The following WIPI1 variants were observed in gnomAD, a reference collection of about 807,000 sequenced individuals.
WIPI1 encodes WD repeat domain phosphoinositide-interacting protein 1.
A neutral mutation model predicts 55.3 loss-of-function variants in WIPI1; 45 were observed. The ratio of observed to expected loss-of-function variants is 0.81; its 90% CI spans 0.64 to 1.04. The LOEUF (loss-of-function observed/expected upper bound fraction) is 1.04, where lower values mean the gene tolerates loss of function less well. Among genes scored for constraint, WIPI1 ranks in the 50% least tolerant of loss-of-function variants. The probability of loss-of-function intolerance (pLI) is 0.00; values close to 1 mark genes in which losing one functional copy is unlikely to be tolerated. For synonymous variants in WIPI1, 195 were observed against 217.6 expected, an observed-to-expected ratio of 0.90 and a Z score of 0.92; for missense variants, 445 against 559.0, an observed-to-expected ratio of 0.80 and a Z score of 2.06.
chr17:68,443,967 T>C (rs1284346600), intron 4 of WIPI1, among the ~76,000 whole-genome samples: 1 of 152,214 alleles, frequency 6.6e-6, no homozygotes, highest in Non-Finnish European at 1.5e-5. Flanking sequence ...CAGGAATGTA[T>C]TAAATAGTGT....
chr17:68,429,276 A>G (rs2083402571), intron 9 of WIPI1, among the ~76,000 whole-genome samples: 2 of 152,200 alleles, frequency 1.3e-5, no homozygotes, highest in Admixed American at 1.3e-4. Context: ...CAAGACAGAA[A>G]GGGGGTAAAT....
In WIPI1 at chr17:68,450,841, C is replaced by T. The variant is rs1365015853; in HGVS notation, c.220G>A (p.Val74Ile). The change falls in exon 3 of 13, where the codon GTA (valine) becomes ATA (isoleucine). Residue 74 changes from valine (V) to isoleucine (I), a missense_variant. Physicochemically the swap from Val to Ile is conservative, Grantham distance 29. Coordinates refer to ENST00000262139, the MANE Select transcript of WIPI1 (RefSeq NM_017983.7). ...ERLFSSSLVV[V>I]VSHTKPRQMN... ...TGCCGTGGTTTTGTGTGACTGACTA[C>T]CACCACCAGGCTGCTGGAGAAGAGG... is the stretch of plus-strand genomic sequence containing the variant. The T allele has an allele frequency of 6.2e-7, 1 of 1,614,062 alleles. No individual in the cohort carries two copies. Among genetic ancestry groups the T allele is most frequent in the African/African-American group, 1.3e-5 (1 of 74,932 alleles).
At position 68,421,624 on chromosome 17, in the gene WIPI1, A is replaced by T; in HGVS notation, c.*149T>A. ...GTCGTGGGAAGCTTGGTGAGGAGTT[A>T]ACCAGGTCCTGTGGTTTAAGCAGTG... On this transcript the variant is annotated 3_prime_UTR_variant, in exon 13 of 13. Coordinates refer to ENST00000262139, the MANE Select transcript of WIPI1 (RefSeq NM_017983.7). The T allele has an allele frequency of 9.1e-7, 1 of 1,097,550 alleles. No homozygotes were observed. The highest frequency in any genetic ancestry group is 1.4e-6 in the Non-Finnish European group (1 of 735,856). The allele number at this position is 1,097,550 out of a possible 1,614,324, so 68.0% of individuals were successfully genotyped here.
chr17:68,425,375 TTC>T (rs2083094018), intron 12 of WIPI1, among the ~76,000 whole-genome samples: 1 of 125,014 alleles, frequency 8.0e-6, no homozygotes, highest in South Asian at 2.5e-4. Context: ...GGCTAATTTT[TTC>T]TTTTCTTTTT....
chr17:68,455,762 G>A (rs926457162), intron 1 of WIPI1, among the ~76,000 whole-genome samples: 2 of 152,166 alleles, frequency 1.3e-5, no homozygotes, highest in Non-Finnish European at 2.9e-5. Context: ...CTGGGACTTT[G>A]CGTTATTTAA....
chr17:68,430,241 T>C, intron 8 of WIPI1, 81 bp from the exon 9 acceptor site: 1 of 1,399,544 alleles, frequency 7.1e-7, no homozygotes, highest in East Asian at 2.3e-5. Context: ...CCAAGCGTCA[T>C]TAGCCACACT....
intron 3 of WIPI1, chr17:68,448,390 T>C (rs2084369164): frequency 6.6e-6 from 1 of 152,258 alleles, no homozygotes; most frequent in African/African-American, 2.4e-5. Context: ...ATGCTCATCT[T>C]GGTTCCGACG....
At chr17:68,456,044 C>G (rs1053789702) in intron 1 of WIPI1, among the ~76,000 whole-genome samples, 1 of 152,018 alleles carries the variant, frequency 6.6e-6, no homozygotes, top group South Asian at 2.1e-4. Flanking sequence ...GAGTCACAAG[C>G]AGCTTAGAAA....
intron 12 of WIPI1, chr17:68,422,794 C>G (rs1443225106): frequency 2.0e-5 from 3 of 148,046 alleles, no homozygotes; most frequent in Non-Finnish European, 4.5e-5. Flanking sequence ...GATTTCCTGA[C>G]TCTTGCTCAC....
chr17:68,456,892 G>A (rs1286197117), intron 1 of WIPI1, among the ~76,000 whole-genome samples: 1 of 152,224 alleles, frequency 6.6e-6, no homozygotes, highest in African/African-American at 2.4e-5. Context: ...GGACAAATGG[G>A]AAAGTTTTTC....
chr17:68,427,010 G>T, intron 11 of WIPI1, 125 bp downstream of exon 11: 1 of 756,182 alleles, frequency 1.3e-6, no homozygotes, highest in Non-Finnish European at 2.2e-6. Context: ...CAGTGAAGGG[G>T]GAAGGGGAGG....
intron 2 of WIPI1, among the ~76,000 whole-genome samples, chr17:68,451,423 A>G (rs1332065735): frequency 6.6e-6 from 1 of 152,112 alleles, no homozygotes; most frequent in African/African-American, 2.4e-5. Flanking sequence ...GACAAGCAAG[A>G]CTCCGTCTCA....
At chr17:68,432,365 T>C (rs754833613) in intron 8 of WIPI1, among the ~76,000 whole-genome samples, 5 of 152,236 alleles carry the variant, frequency 3.3e-5, no homozygotes, top group Admixed American at 6.5e-5. Context: ...CAGAAAAAGA[T>C]GGCAGAAGGG....
chr17:68,426,869 C>T (rs1476572773), intron 11 of WIPI1, among the ~76,000 whole-genome samples: 1 of 152,174 alleles, frequency 6.6e-6, no homozygotes, highest in African/African-American at 2.4e-5. Flanking sequence ...AGGGTTAACA[C>T]CACTTGTTAG....
At chr17:68,447,519 C>A (rs2084329896) in intron 3 of WIPI1, among the ~76,000 whole-genome samples, 1 of 152,082 alleles carries the variant, frequency 6.6e-6, no homozygotes, top group Non-Finnish European at 1.5e-5. Context: ...GTAGCTAGGC[C>A]TACGGGCAAG....
chr17:68,427,378 G>A, intron 10 of WIPI1, 125 bp from the exon 11 acceptor site: 1 of 728,594 alleles, frequency 1.4e-6, no homozygotes. Context: ...TATTTTTGAG[G>A]CAGGGTCTTG....
chr17:68,454,929 C>T (rs1325923617), intron 1 of WIPI1, among the ~76,000 whole-genome samples: 2 of 152,044 alleles, frequency 1.3e-5, no homozygotes, highest in East Asian at 1.9e-4. Flanking sequence ...TGATCAATGG[C>T]CACAAAAGAC....
intron 5 of WIPI1, among the ~76,000 whole-genome samples, 157 bp downstream of exon 5, chr17:68,436,225 C>T (rs533619494): frequency 1.3e-5 from 2 of 152,136 alleles, no homozygotes; most frequent in South Asian, 2.1e-4. Context: ...ACAGCAAGCC[C>T]GAGGGGAAAT....
intron 12 of WIPI1, among the ~76,000 whole-genome samples, chr17:68,424,761 C>G (rs2083045573): frequency 6.6e-6 from 1 of 152,166 alleles, no homozygotes; most frequent in African/African-American, 2.4e-5. Flanking sequence ...TCTGTAATTG[C>G]AGCTACTCGG....
Sources: allele counts gnomAD v4.1 joint callset (sites outside exome capture counted in the v4.1 genomes callset), GRCh38; gene constraint gnomAD v4.1.1; transcripts MANE v1.5; gene names NCBI Gene and HGNC (gene_info 2026-07-23, HGNC 2026-07-21).